The following DLGAP5 variants were observed in gnomAD, a reference collection of about 807,000 sequenced individuals.
DLGAP5 encodes disks large-associated protein 5.
A neutral mutation model predicts 99.6 loss-of-function variants in DLGAP5; 90 were observed. That is an observed-to-expected ratio of 0.90 (90% CI 0.76 to 1.08). DLGAP5 has a LOEUF of 1.08. Ranked by LOEUF, DLGAP5 falls within the 50% of genes least tolerant of loss-of-function variation. The pLI is 0.00. For missense variants in DLGAP5, 1,036 were observed against 983.5 expected (o/e 1.05, Z -0.71); for synonymous variants, 311 against 321.3 (o/e 0.97, Z 0.34).
At chr14:55,151,053 C>T (rs1881999340) in intron 17 of DLGAP5, among the ~76,000 whole-genome samples, 1 of 152,174 alleles carries the variant, frequency 6.6e-6, no homozygotes, top group African/African-American at 2.4e-5. Flanking sequence ...GTAAACAAAT[C>T]TCATGCTTGT....
intron 11 of DLGAP5, among the ~76,000 whole-genome samples, chr14:55,170,370 A>G (rs1258957741): frequency 1.3e-5 from 2 of 150,312 alleles, no homozygotes; most frequent in East Asian, 3.8e-4. Flanking sequence ...GATATCACCC[A>G]TAAAGTCATA....
chr14:55,157,136 GACT>G (rs1297250196), intron 14 of DLGAP5, among the ~76,000 whole-genome samples: 5 of 152,184 alleles, frequency 3.3e-5, no homozygotes, highest in Non-Finnish European at 1.5e-5. Flanking sequence ...CTTCTTCAGG[GACT>G]ACTGTTTTGT....
At chr14:55,162,737 A>G (rs1882492746) in intron 13 of DLGAP5, among the ~76,000 whole-genome samples, 1 of 152,176 alleles carries the variant, frequency 6.6e-6, no homozygotes, top group Non-Finnish European at 1.5e-5. Context: ...CTCTCTAGAC[A>G]TAACTATCCT....
intron 10 of DLGAP5, among the ~76,000 whole-genome samples, chr14:55,171,898 C>G (rs941010031): frequency 6.6e-6 from 1 of 152,116 alleles, no homozygotes; most frequent in African/African-American, 2.4e-5. Context: ...AAATAAGATA[C>G]TTAGCAGAGT....
chr14:55,189,182 T>C lies in DLGAP5; in HGVS notation c.-1-2A>G. On this transcript the variant is annotated splice_acceptor_variant, in intron 1 of 18. Transcript: ENST00000247191. LOFTEE classifies it low-confidence loss of function (5UTR_SPLICE). ...CTGGCAAAATGTGATGAAGACATCC[T>C]GTCAAGGAAAAGGACAAAACCCAAC... 1.2e-6 allele frequency: 2 copies of C among 1,610,166 alleles called. No individual in the cohort carries two copies. Among genetic ancestry groups the C allele is most frequent in the Non-Finnish European group, 1.7e-6 (2 of 1,177,822 alleles).
chr14:55,176,954 G>A, intron 8 of DLGAP5, 108 bp downstream of exon 8: 14 of 976,806 alleles, frequency 1.4e-5, no homozygotes, highest in Non-Finnish European at 1.8e-5. Context: ...CTCCAGCCTG[G>A]GCGACAGAGC....
chr14:55,167,990 T>C (rs1014678110), intron 12 of DLGAP5, among the ~76,000 whole-genome samples: 6 of 152,208 alleles, frequency 3.9e-5, no homozygotes, highest in African/African-American at 1.4e-4. Context: ...CTCCCCAATT[T>C]TTTTTTCTGT....
Position 55,169,523 on chromosome 14 carries a change from C to T in DLGAP5, c.1424G>A (p.Arg475Lys), listed in dbSNP as rs776185282. The change falls in exon 12 of 19, where the codon AGA (arginine) becomes AAA (lysine). Residue 475 changes from arginine to lysine, a missense_variant. Physicochemically the swap from Arg to Lys is conservative, Grantham distance 26. Transcript: ENST00000247191. Reference sequence around the variant, plus strand: ...TTTAAACCTTTCCTTCATAAGGAGTCTTGTTTGACCAACTGCTGTGCGAAT... The same window carrying T: ...TTTAAACCTTTCCTTCATAAGGAGTTTTGTTTGACCAACTGCTGTGCGAAT... ...DLIRTAVGQT[R>K]LLMKERFKQF... 2.5e-6 allele frequency: 4 copies of T among 1,599,950 alleles called. No individual in the cohort carries two copies. The highest frequency in any genetic ancestry group is 1.1e-5 in the South Asian group (1 of 87,472).
chr14:55,164,936 A>G lies in DLGAP5; in HGVS notation c.1549-1861T>C, dbSNP rs1213467478. ...GACTCTGTCTCAAAAAAAAAAAAAA[A>G]AGAGAAATTTGATAAATTTAACTTT... On this transcript the variant is annotated intron_variant, in intron 12 of 18. Transcript: ENST00000247191. Among the ~76,000 whole-genome samples the G allele has an allele frequency of 2.0e-4, 27 of 137,978 alleles. 1 individual carries two copies. The highest frequency in any genetic ancestry group is 3.0e-5 in the African/African-American group (1 of 33,118). The allele number at this position is 137,978 out of a possible 152,430, so 90.5% of individuals were successfully genotyped here. A position where few individuals can be genotyped will look rare whatever the true frequency, so the allele number is the denominator to read the frequency against.
intron 2 of DLGAP5, among the ~76,000 whole-genome samples, chr14:55,184,369 T>A (rs1883368023): frequency 1.3e-5 from 2 of 152,232 alleles, no homozygotes; most frequent in African/African-American, 2.4e-5. Context: ...CCTAGTCTTT[T>A]AAAATTTGTA....
chr14:55,187,677 G>C (rs1594686735), intron 2 of DLGAP5, among the ~76,000 whole-genome samples: 1 of 151,308 alleles, frequency 6.6e-6, no homozygotes, highest in South Asian at 2.1e-4. Flanking sequence ...CGAGGCCAGA[G>C]TGCAGTGACT....
rs910570126 is a variant in DLGAP5, at chr14:55,165,705, T to C, written c.1549-2630A>G. On this transcript the variant is annotated intron_variant, in intron 12 of 18. Coordinates refer to ENST00000247191, the MANE Select transcript of DLGAP5 (RefSeq NM_014750.5). ...GTTTTTTCCTATTCATACATACCTA[T>C]GATAAAGTTTCATTTATAAATTAAG... 6.6e-5 allele frequency among the ~76,000 whole-genome samples: 10 copies of C among 152,190 alleles called. No homozygotes were observed. The East Asian group carries it at 1.3e-3, about 21-fold the overall frequency.
intron 4 of DLGAP5, among the ~76,000 whole-genome samples, chr14:55,181,957 T>G (rs942543536): frequency 6.6e-6 from 1 of 152,230 alleles, no homozygotes; most frequent in Non-Finnish European, 1.5e-5. Context: ...CTTCCTCACC[T>G]GATAAAGAGG....
Position 55,182,356 on chromosome 14 carries a change from ACT to A in DLGAP5, c.495+12_495+13del. ...TTTATCATTTTAGTAACAATTATCTACTATCAACTATACCTTAGTCTGCTCCA... is the reference window on the plus strand; with the variant it reads ...TTTATCATTTTAGTAACAATTATCTAATCAACTATACCTTAGTCTGCTCCA... On this transcript the variant is annotated intron_variant, in intron 4 of 18. Coordinates refer to ENST00000247191, the MANE Select transcript of DLGAP5 (RefSeq NM_014750.5). 1 of 1,600,794 alleles carries A rather than the reference ACT, an allele frequency of 6.2e-7. No individual in the cohort carries two copies.
Position 55,158,709 on chromosome 14 carries a change from T to C in DLGAP5, c.1686A>G (p.Pro562=), listed in dbSNP as rs1252434977. The change falls in exon 14 of 19, where the codon CCA becomes CCG. Residue 562 remains proline (P), a synonymous_variant. Coordinates refer to ENST00000247191, the MANE Select transcript of DLGAP5 (RefSeq NM_014750.5). ...CAATTCTTCCAGCATCATCCTGTTT[T>C]GGTTTACTTGCTATACCTGAGACAA... ...KKVVSGIASK[P]KQDDAGRIAA... 4 of 1,614,000 alleles carry C rather than the reference T, an allele frequency of 2.5e-6. No homozygotes were observed. The highest frequency in any genetic ancestry group is 3.4e-6 in the Non-Finnish European group (4 of 1,180,018).
chr14:55,181,266 C>G lies in DLGAP5; in HGVS notation c.527G>C (p.Arg176Pro). The G allele has an allele frequency of 6.2e-7, 1 of 1,614,010 alleles. No individual in the cohort carries two copies. Among genetic ancestry groups the G allele is most frequent in the Non-Finnish European group, 8.5e-7 (1 of 1,179,994 alleles). Reference protein sequence around the residue: ...IDNESDVRAIRPGPRQTSEKK... With the variant: ...IDNESDVRAIPPGPRQTSEKK... ...TTCAGAAGTTTGTCTTGGACCAGGT[C>G]GGATTGCTCGAACATCACTCTCGTT... The change falls in exon 5 of 19, where the codon CGA becomes CCA. Residue 176 changes from arginine (R) to proline (P), a missense_variant. Coordinates refer to ENST00000247191, the MANE Select transcript of DLGAP5 (RefSeq NM_014750.5).
At chr14:55,173,281 A>C (rs1458867503) in intron 10 of DLGAP5, among the ~76,000 whole-genome samples, 2 of 128,812 alleles carry the variant, frequency 1.6e-5, no homozygotes, top group African/African-American at 4.9e-5. Context: ...ACAAAAAAAA[A>C]AAAAAACAAA....
Position 55,158,644 on chromosome 14 carries a change from C to G in DLGAP5, c.1751G>C (p.Arg584Thr), listed in dbSNP as rs1566495884. ...ACATTCTTCCTGCCTAATTCTCTCT[C>G]TCATTGCATTTTTTATGGCAGCTAG... ...NRLAAIKNAMRERIRQEECAE... is the reference protein window; with the variant it reads ...NRLAAIKNAMTERIRQEECAE... The change falls in exon 14 of 19, where the codon AGA (arginine) becomes ACA (threonine). Residue 584 changes from arginine (R) to threonine (T), a missense_variant. Arg to Thr is a moderately conservative substitution (Grantham distance 71). Transcript: ENST00000247191. 3 of 1,614,104 alleles carry G rather than the reference C, an allele frequency of 1.9e-6. No individual in the cohort carries two copies. The highest frequency in any genetic ancestry group is 2.5e-6 in the Non-Finnish European group (3 of 1,179,978).
At chr14:55,184,233 G>A (rs1883363209) in intron 2 of DLGAP5, among the ~76,000 whole-genome samples, 1 of 152,122 alleles carries the variant, frequency 6.6e-6, no homozygotes. Flanking sequence ...TGAGGTGGAA[G>A]GATCATTTGA....
Sources: gnomAD v4.1 joint callset for allele counts (sites outside exome capture counted in the v4.1 genomes callset) on GRCh38, gnomAD v4.1.1 for gene constraint, MANE v1.5 for transcripts, NCBI Gene and HGNC (gene_info 2026-07-23, HGNC 2026-07-21) for gene names.